Variants in SIPA1L3 observed in about 807,000 individuals in gnomAD.
SIPA1L3 encodes signal-induced proliferation-associated 1-like protein 3.
In SIPA1L3, 59 loss-of-function variants were observed where a neutral mutation model predicts 150.1. The observed-to-expected ratio is 0.39, with a 90% CI of 0.32 to 0.49. SIPA1L3 has a LOEUF of 0.49. Among genes scored for constraint, SIPA1L3 ranks in the 20% least tolerant of loss-of-function variants. SIPA1L3 has a pLI of 0.86. For missense variants in SIPA1L3, 2,211 were observed against 2,489.5 expected, an observed-to-expected ratio of 0.89 and a Z score of 2.38; for synonymous variants, 1,070 against 1,077.6, an observed-to-expected ratio of 0.99 and a Z score of 0.14.
At chr19:38,000,898 A>ATATATATAACATATATATATAATGT (rs1313259200) in intron 1 of SIPA1L3, among the ~76,000 whole-genome samples, 6 of 85,192 alleles carry the variant, frequency 7.0e-5, no homozygotes, top group African/African-American at 2.8e-4. Context: ...TATATGTTAT[A>ATATATATAACATATATATATAATGT]TATATATATA....
At chr19:38,000,512 T>G (rs1243645692) in intron 1 of SIPA1L3, among the ~76,000 whole-genome samples, 1 of 146,748 alleles carries the variant, frequency 6.8e-6, no homozygotes, top group Admixed American at 6.8e-5. Flanking sequence ...CCTCGGTTTA[T>G]AAATAGTGGT....
At chr19:37,927,654 GGTGTGTGT>G (rs57987208) in intron 1 of SIPA1L3, among the ~76,000 whole-genome samples, 34,311 of 136,440 alleles carry the variant, frequency 0.25, 4,707 homozygotes, top group Non-Finnish European at 0.33. Flanking sequence ...AAGAACATGG[GGTGTGTGT>G]GTGTGTGTGT....
chr19:38,158,352 G>T (rs1266033083), intron 13 of SIPA1L3, among the ~76,000 whole-genome samples: 1 of 152,236 alleles, frequency 6.6e-6, no homozygotes, highest in African/African-American at 2.4e-5. Context: ...AGTCAGTGGG[G>T]ATGAGAACAT....
At chr19:37,925,489 G>A (rs746579145) in intron 1 of SIPA1L3, among the ~76,000 whole-genome samples, 43 of 152,150 alleles carry the variant, frequency 2.8e-4, no homozygotes, top group Non-Finnish European at 4.4e-4. Context: ...GGAGGGATGA[G>A]GGTAGAGAGG....
In SIPA1L3 at chr19:38,082,582, C is replaced by T. The variant is rs1469570508; in HGVS notation, c.1017C>T (p.Ser339=). 1.9e-6 allele frequency: 3 copies of T among 1,604,072 alleles called. No homozygotes were observed. The highest frequency in any genetic ancestry group is 1.3e-5 in the African/African-American group (1 of 74,930). The change falls in exon 3 of 22, where the codon AGC becomes AGT. Residue 339 remains serine, a synonymous_variant. Coordinates refer to ENST00000222345, the MANE Select transcript of SIPA1L3 (RefSeq NM_015073.3). ...EASRPWVCQK[S]FAHFDVQSML... ...GCAGGCCGTGGGTGTGTCAGAAGAGCTTCGCCCACTTCGACGTGCAGAGCA... is the reference window on the plus strand; with the variant it reads ...GCAGGCCGTGGGTGTGTCAGAAGAGTTTCGCCCACTTCGACGTGCAGAGCA...
intron 2 of SIPA1L3, among the ~76,000 whole-genome samples, chr19:38,030,562 A>G (rs181769516): frequency 1.3e-4 from 20 of 151,286 alleles, no homozygotes; most frequent in Non-Finnish European, 2.5e-4. Context: ...ACATACATAC[A>G]TACACATGTA....
chr19:38,093,701 G>A (rs1970314725), intron 4 of SIPA1L3, among the ~76,000 whole-genome samples: 1 of 152,192 alleles, frequency 6.6e-6, no homozygotes, highest in Admixed American at 6.5e-5. Context: ...TGCCTTCCAA[G>A]CCAGCCAGCC....
At chr19:38,003,500 T>TA (rs1203547433) in intron 1 of SIPA1L3, among the ~76,000 whole-genome samples, 1 of 152,230 alleles carries the variant, frequency 6.6e-6, no homozygotes, top group Non-Finnish European at 1.5e-5. Flanking sequence ...GATCCCCAGA[T>TA]GGGCGTTGCT....
At chr19:37,955,602 T>G (rs2046803464) in intron 1 of SIPA1L3, among the ~76,000 whole-genome samples, 1 of 152,162 alleles carries the variant, frequency 6.6e-6, no homozygotes, top group African/African-American at 2.4e-5. Flanking sequence ...TCCTGAACAT[T>G]TCAAATACAT....
chr19:38,180,637 G>A (rs1030002809), intron 15 of SIPA1L3, among the ~76,000 whole-genome samples: 14 of 150,054 alleles, frequency 9.3e-5, no homozygotes, highest in Non-Finnish European at 1.3e-4. Context: ...TCCGCCTCCC[G>A]GGTTCAAGCG....
chr19:37,987,052 C>T (rs766619341), intron 1 of SIPA1L3, among the ~76,000 whole-genome samples: 9 of 152,110 alleles, frequency 5.9e-5, no homozygotes, highest in African/African-American at 1.9e-4. Flanking sequence ...CTCAACCTCC[C>T]GAGTAGCTGG....
At chr19:38,091,746 T>C (rs919138290) in intron 4 of SIPA1L3, among the ~76,000 whole-genome samples, 2 of 152,174 alleles carry the variant, frequency 1.3e-5, no homozygotes, top group African/African-American at 4.8e-5. Context: ...TGCTAGCGTT[T>C]GTGTTTTTGT....
chr19:38,129,450 C>T (rs1369141458), intron 9 of SIPA1L3, among the ~76,000 whole-genome samples: 2 of 151,550 alleles, frequency 1.3e-5, no homozygotes, highest in African/African-American at 4.9e-5. Context: ...ATGGTGAAAC[C>T]CCGTCTCTAC....
intron 1 of SIPA1L3, among the ~76,000 whole-genome samples, chr19:37,917,667 T>C (rs1055967740): frequency 2.6e-5 from 4 of 152,134 alleles, no homozygotes; most frequent in Non-Finnish European, 4.4e-5. Flanking sequence ...GGATAGGGTC[T>C]GAGTTTTGAG....
chr19:37,961,610 A>G (rs2046859108), intron 1 of SIPA1L3, among the ~76,000 whole-genome samples: 1 of 152,092 alleles, frequency 6.6e-6, no homozygotes, highest in Non-Finnish European at 1.5e-5. Flanking sequence ...CTTTCTATTT[A>G]TTGTATATGG....
intron 1 of SIPA1L3, among the ~76,000 whole-genome samples, chr19:37,968,063 C>CTCTTTCTT (rs74174499): frequency 1.4e-5 from 2 of 143,570 alleles, no homozygotes; most frequent in East Asian, 2.4e-4. Context: ...ATGGCCTCAT[C>CTCTTTCTT]TCTTTCTTTC....
intron 3 of SIPA1L3, among the ~76,000 whole-genome samples, chr19:38,085,132 T>C (rs1050332718): frequency 1.3e-5 from 2 of 152,062 alleles, no homozygotes; most frequent in African/African-American, 4.8e-5. Context: ...AAGATGATTA[T>C]ATCAATATCA....
chr19:37,911,700 A>T (rs904937855), intron 1 of SIPA1L3, among the ~76,000 whole-genome samples: 1 of 151,396 alleles, frequency 6.6e-6, no homozygotes, highest in Non-Finnish European at 1.5e-5. Flanking sequence ...TTTAGTAGAG[A>T]TGGGGTTTCA....
chr19:38,094,950 C>A (rs1350176315), intron 4 of SIPA1L3, among the ~76,000 whole-genome samples: 1 of 152,022 alleles, frequency 6.6e-6, no homozygotes, highest in Non-Finnish European at 1.5e-5. Context: ...ACCTGTAATC[C>A]CAGCTACCTG....
Sources: allele counts gnomAD v4.1 joint callset (sites outside exome capture counted in the v4.1 genomes callset), GRCh38; gene constraint gnomAD v4.1.1; transcripts MANE v1.5; gene names NCBI Gene and HGNC (gene_info 2026-07-23, HGNC 2026-07-21).